LYPD6: variants seen among roughly 807,000 people sequenced by gnomAD.
LYPD6 encodes ly6/PLAUR domain-containing protein 6.
Under a neutral mutation model 22.7 loss-of-function variants are expected in LYPD6, and 15 were observed. That is an observed-to-expected ratio of 0.66 (90% CI 0.44 to 1.02). LYPD6 has a LOEUF of 1.02. LYPD6 is among the 50% of genes least tolerant of loss of function. The pLI, the probability that LYPD6 is intolerant of heterozygous loss-of-function variation, is 0.00. For missense variants in LYPD6, 189 were observed against 208.4 expected (o/e 0.91, Z 0.57); for synonymous variants, 72 against 77.5 (o/e 0.93, Z 0.37).
chr2:149,437,758 C>T lies in LYPD6; in HGVS notation c.50C>T (p.Ala17Val), dbSNP rs115170503. 8 of 1,614,154 alleles carry T rather than the reference C, an allele frequency of 5.0e-6. No homozygotes were observed. The highest frequency in any genetic ancestry group is 4.5e-5 in the East Asian group (2 of 44,860). The change falls in exon 2 of 5, where the codon GCG (alanine) becomes GTG (valine). Residue 17 changes from alanine (A) to valine (V), a missense_variant. Coordinates refer to ENST00000334166, the MANE Select transcript of LYPD6 (RefSeq NM_194317.5). Reference sequence around the variant, plus strand: ...TGGCTCCTGCTCCTGAGCCTGCTGGCGGATTGTCTGAAAGCTGCTCAGTCC... The same window carrying T: ...TGGCTCCTGCTCCTGAGCCTGCTGGTGGATTGTCTGAAAGCTGCTCAGTCC... The part of the protein sequence containing the change: ...LAWLLLLSLL[A>V]DCLKAAQSRD...
intron 1 of LYPD6, among the ~76,000 whole-genome samples, chr2:149,369,365 C>T (rs1448186404): frequency 6.6e-6 from 1 of 152,274 alleles, no homozygotes; most frequent in Non-Finnish European, 1.5e-5. Flanking sequence ...TTCCCTTTTT[C>T]TGTCTAAAAA....
intron 4 of LYPD6, among the ~76,000 whole-genome samples, chr2:149,469,366 C>T (rs1347178392): frequency 6.6e-6 from 1 of 152,154 alleles, no homozygotes; most frequent in Non-Finnish European, 1.5e-5. Context: ...GGGAGGCAGC[C>T]TTGAAGGGGC....
the LYPD6 span, among the ~76,000 whole-genome samples, chr2:149,480,882 A>G: frequency 6.6e-6 from 1 of 152,168 alleles, no homozygotes; most frequent in Non-Finnish European, 1.5e-5. Context: ...CCCAGCCCCC[A>G]TCACCTACCT....
At chr2:149,432,896 T>C (rs1460494465) in intron 1 of LYPD6, among the ~76,000 whole-genome samples, 2 of 152,214 alleles carry the variant, frequency 1.3e-5, no homozygotes. Flanking sequence ...CTGACTGACT[T>C]GTGCATAAAA....
chr2:149,385,078 G>A (rs550784586), intron 1 of LYPD6, among the ~76,000 whole-genome samples: 6 of 152,092 alleles, frequency 3.9e-5, no homozygotes, highest in Middle Eastern at 3.4e-3. Context: ...CAGTAGCTTC[G>A]TGGGACCATC....
At chr2:149,446,330 A>T (rs188750643) in intron 2 of LYPD6, among the ~76,000 whole-genome samples, 23 of 152,340 alleles carry the variant, frequency 1.5e-4, no homozygotes, top group Non-Finnish European at 1.5e-4. Context: ...GCAATTGGAA[A>T]ATGACACCGA....
chr2:149,461,985 C>T (rs1211507254), intron 3 of LYPD6, among the ~76,000 whole-genome samples: 3 of 151,992 alleles, frequency 2.0e-5, no homozygotes, highest in Non-Finnish European at 4.4e-5. Flanking sequence ...AGACAGAGAA[C>T]TAGGCAATTA....
At position 149,428,226 on chromosome 2, in the gene LYPD6, TTTA is replaced by T. The variant is rs1452670415; in HGVS notation, c.-71-9411_-71-9409del. ...AAGCATATTTATTTACAAAACAAAA[TTTA>T]AGCTAGTGGCTGGATCCTTTTGGAG... On this transcript the variant is annotated intron_variant, in intron 1 of 4. Coordinates refer to ENST00000334166, the MANE Select transcript of LYPD6 (RefSeq NM_194317.5). Among the ~76,000 whole-genome samples the T allele has an allele frequency of 2.6e-5, 4 of 152,226 alleles. No individual in the cohort carries two copies. In the East Asian group the frequency reaches 7.7e-4, roughly 29 times the overall value.
rs58309346 is a variant in LYPD6 at position 149,468,132 on chromosome 2, AACACACACACAC to A, written c.218-468_218-457del. On this transcript the variant is annotated intron_variant, in intron 3 of 4. Transcript: ENST00000334166. ...CTCTTGTGAATAGCTGCTTCCCCCC[AACACACACACAC>A]ACACACACACACACACACACACACA... Among the ~76,000 whole-genome samples, 1,122 of 114,712 alleles carry A rather than the reference AACACACACACAC, an allele frequency of 9.8e-3. 6 individuals carry two copies. Among genetic ancestry groups the A allele is most frequent in the South Asian group, 0.017 (51 of 3,004 alleles). 75.3% of individuals were successfully genotyped at this position (114,712 alleles called of 152,430 possible).
At chr2:149,393,273 T>C (rs1682354996) in intron 1 of LYPD6, among the ~76,000 whole-genome samples, 1 of 152,214 alleles carries the variant, frequency 6.6e-6, no homozygotes, top group Admixed American at 6.5e-5. Context: ...TCAGAAGTAT[T>C]TTGAGGGCTG....
intron 1 of LYPD6, among the ~76,000 whole-genome samples, chr2:149,361,712 A>G (rs760285953): frequency 5.9e-5 from 9 of 152,170 alleles, no homozygotes; most frequent in South Asian, 2.1e-4. Flanking sequence ...ATTCATTTTT[A>G]TATCCTTGGT....
intron 1 of LYPD6, among the ~76,000 whole-genome samples, chr2:149,403,814 A>T (rs1270179419): frequency 6.6e-6 from 1 of 152,022 alleles, no homozygotes; most frequent in Non-Finnish European, 1.5e-5. Flanking sequence ...GCCCCTGCCT[A>T]TGTCCTGAAT....
intron 1 of LYPD6, among the ~76,000 whole-genome samples, chr2:149,337,219 T>C (rs985423764): frequency 6.6e-6 from 1 of 152,096 alleles, no homozygotes; most frequent in East Asian, 1.9e-4. Flanking sequence ...AGTAAATACG[T>C]TGGAATGTTT....
intron 1 of LYPD6, among the ~76,000 whole-genome samples, chr2:149,370,078 GA>G (rs1253849013): frequency 1.3e-5 from 2 of 152,166 alleles, no homozygotes; most frequent in Non-Finnish European, 2.9e-5. Flanking sequence ...GAGCTGCTAA[GA>G]AATTAAGTCC....
intron 1 of LYPD6, among the ~76,000 whole-genome samples, chr2:149,418,166 A>T (rs1223150400): frequency 6.6e-6 from 1 of 152,182 alleles, no homozygotes; most frequent in Non-Finnish European, 1.5e-5. Context: ...ATCAAGAGAG[A>T]TCCTCTTTTT....
chr2:149,340,569 C>T (rs1468051454), intron 1 of LYPD6, among the ~76,000 whole-genome samples: 1 of 152,096 alleles, frequency 6.6e-6, no homozygotes, highest in Non-Finnish European at 1.5e-5. Context: ...ATTTAGTTTC[C>T]TCCAATTTTA....
intron 1 of LYPD6, among the ~76,000 whole-genome samples, chr2:149,399,185 T>TA (rs1046868814): frequency 2.0e-5 from 3 of 151,952 alleles, no homozygotes; most frequent in African/African-American, 4.8e-5. Flanking sequence ...AATTTGGAAT[T>TA]AAAAAAAATA....
intron 1 of LYPD6, among the ~76,000 whole-genome samples, chr2:149,412,007 G>A (rs977406487): frequency 6.6e-6 from 1 of 152,020 alleles, no homozygotes; most frequent in Non-Finnish European, 1.5e-5. Flanking sequence ...TTGTATGATT[G>A]TACTTTATAA....
chr2:149,419,683 A>G (rs1301735972), intron 1 of LYPD6, among the ~76,000 whole-genome samples: 1 of 152,224 alleles, frequency 6.6e-6, no homozygotes, highest in Non-Finnish European at 1.5e-5. Flanking sequence ...ATGCACAGAC[A>G]AGCTGGCAGA....
Sources: gnomAD v4.1 joint callset for allele counts (sites outside exome capture counted in the v4.1 genomes callset) on GRCh38, gnomAD v4.1.1 for gene constraint, MANE v1.5 for transcripts, NCBI Gene and HGNC (gene_info 2026-07-23, HGNC 2026-07-21) for gene names.